COL4A1: variants seen among roughly 807,000 people sequenced by gnomAD.
COL4A1 encodes the protein collagen type IV alpha 1 chain.
COL4A1 carries 40 observed loss-of-function variants against 216.6 expected under a neutral mutation model. The observed-to-expected ratio is 0.18, with a 90% confidence interval of 0.14 to 0.24. COL4A1 has a LOEUF of 0.24. Among genes scored for constraint, COL4A1 ranks in the 10% least tolerant of loss-of-function variants. The pLI is 1.00. For synonymous variants in COL4A1, 839 were observed against 810.7 expected, an observed-to-expected ratio of 1.03 and a Z score of -0.59; for missense variants, 1,628 against 2,196.8, an observed-to-expected ratio of 0.74 and a Z score of 5.18.
At chr13:110,230,657 C>T (rs996114940) in intron 2 of COL4A1, among the ~76,000 whole-genome samples, 8 of 152,182 alleles carry the variant, frequency 5.3e-5, no homozygotes, top group African/African-American at 1.7e-4. Context: ...CTATCAAAGG[C>T]CCCCAAAGAA....
chr13:110,208,924 T>C (rs1030523349), intron 11 of COL4A1, 34 bp from the exon 12 acceptor site: 1 of 1,606,084 alleles, frequency 6.2e-7, no homozygotes, highest in African/African-American at 1.3e-5. Flanking sequence ...CATTATTAGA[T>C]TTGTCTACTT....
chr13:110,265,903 T>A (rs982101160), intron 1 of COL4A1: 4 of 152,170 alleles, frequency 2.6e-5, no homozygotes, highest in Admixed American at 1.3e-4. Context: ...CGGGAATTCC[T>A]GCGCATCTCC....
At chr13:110,154,478 A>T (rs1192440761) in intron 50 of COL4A1, among the ~76,000 whole-genome samples, 2 of 152,214 alleles carry the variant, frequency 1.3e-5, no homozygotes, top group Non-Finnish European at 2.9e-5. Flanking sequence ...TCCCTAACTC[A>T]AGCTTCTGCT....
rs955586186 is a variant in COL4A1, at chr13:110,150,581, T to G, written c.4929-137A>C. ...CAGGCCTCAACCTGGTACCACCCAG[T>G]GAGCAGGCAGGTGCTGGGTGCAGTG... On this transcript the variant is annotated intron_variant, in intron 51 of 51. Transcript: ENST00000375820. 7.2e-6 allele frequency: 6 copies of G among 832,984 alleles called. No homozygotes were observed. The South Asian group carries it at 8.6e-5, about 12-fold the overall frequency. 51.6% of individuals were successfully genotyped at this position (832,984 alleles called of 1,614,324 possible). A position where few individuals can be genotyped will look rare whatever the true frequency, so the allele number is the denominator to read the frequency against.
chr13:110,179,659 G>A (rs918341763), intron 29 of COL4A1, among the ~76,000 whole-genome samples: 1 of 152,150 alleles, frequency 6.6e-6, no homozygotes. Flanking sequence ...AGGAGGAAAA[G>A]CAAGGCTCCC....
At chr13:110,167,087 C>G (rs549125876) in intron 44 of COL4A1, 71 bp downstream of exon 44, 17 of 1,284,694 alleles carry the variant, frequency 1.3e-5, no homozygotes, top group Non-Finnish European at 1.6e-5. Context: ...CTAAGGTGCC[C>G]GAGGTTAGCA....
intron 8 of COL4A1, among the ~76,000 whole-genome samples, chr13:110,210,915 C>A (rs1879764119): frequency 1.3e-5 from 2 of 152,134 alleles, no homozygotes; most frequent in Non-Finnish European, 2.9e-5. Flanking sequence ...CCTCACTCTG[C>A]AGGTTTTGAG....
intron 1 of COL4A1, among the ~76,000 whole-genome samples, chr13:110,302,711 A>G (rs1407597553): frequency 6.6e-6 from 1 of 152,240 alleles, no homozygotes; most frequent in Non-Finnish European, 1.5e-5. Context: ...TCACCATTAA[A>G]ACATGCTCTG....
At chr13:110,181,055 T>C (rs948936886) in intron 29 of COL4A1, among the ~76,000 whole-genome samples, 3 of 152,232 alleles carry the variant, frequency 2.0e-5, no homozygotes, top group African/African-American at 7.2e-5. Context: ...AAAATGTCTG[T>C]CATAAAATTT....
At chr13:110,230,996 A>G (rs1881031701) in intron 2 of COL4A1, among the ~76,000 whole-genome samples, 1 of 152,210 alleles carries the variant, frequency 6.6e-6, no homozygotes, top group Non-Finnish European at 1.5e-5. Context: ...TGCCACCCAC[A>G]TCAGCCCCGT....
chr13:110,283,943 C>T (rs1234817116), intron 1 of COL4A1, among the ~76,000 whole-genome samples: 1 of 152,212 alleles, frequency 6.6e-6, no homozygotes, highest in South Asian at 2.1e-4. Flanking sequence ...CAAGGAACAG[C>T]GCTGTATGAC....
intron 10 of COL4A1, 141 bp from the exon 11 acceptor site, chr13:110,209,568 C>T (rs916974414): frequency 2.1e-5 from 15 of 709,114 alleles, no homozygotes; most frequent in Non-Finnish European, 2.9e-5. Flanking sequence ...CTTCCCCTCC[C>T]TCCCCACTCC....
chr13:110,184,606 T>C (rs1878319037), intron 26 of COL4A1, among the ~76,000 whole-genome samples: 3 of 152,206 alleles, frequency 2.0e-5, no homozygotes, highest in South Asian at 4.1e-4. Flanking sequence ...GTAACAGTTA[T>C]GTTAGCACAC....
In COL4A1 at chr13:110,242,709, C is replaced by G; in HGVS notation, c.110G>C (p.Gly37Ala). The change falls in exon 2 of 52, where the codon GGC (glycine) becomes GCC (alanine). Residue 37 changes from glycine (G) to alanine (A), a missense_variant. By Grantham distance (60) the Gly-to-Ala change is moderately conservative (BLOSUM62 0). This residue lies in a region of COL4A1 where 74 missense variants were observed against 61.7 expected (regional missense o/e 1.20). Transcript: ENST00000375820. ...CTTCACTCCATGGCAGTCACATTTG[C>G]CACAGCCAGAGCCAGCACAGCCACC... is the stretch of plus-strand genomic sequence containing the variant. The part of the protein sequence containing the change: ...AKGGCAGSGC[G>A]KCDCHGVKGQ... The G allele has an allele frequency of 6.2e-7, 1 of 1,614,210 alleles. No individual in the cohort carries two copies. Among genetic ancestry groups the G allele is most frequent in the African/African-American group, 1.3e-5 (1 of 75,064 alleles).
Position 110,207,398 on chromosome 13 carries a change from C to T in COL4A1, c.780+5G>A. On this transcript the variant is annotated splice_donor_5th_base_variant and intron_variant, in intron 13 of 51. Coordinates refer to ENST00000375820, the MANE Select transcript of COL4A1 (RefSeq NM_001845.6). The surrounding 1 kb of genome is among the most constrained non-coding windows in gnomAD (Gnocchi z 4.4). ...TCAGTATTCACTGATGAAGCCCACTCATACCTTTTCTCCCTTGGTGGCGAA... is the reference window on the plus strand; with the variant it reads ...TCAGTATTCACTGATGAAGCCCACTTATACCTTTTCTCCCTTGGTGGCGAA... The T allele has an allele frequency of 6.2e-7, 1 of 1,612,036 alleles. No homozygotes were observed. The highest frequency in any genetic ancestry group is 2.2e-5 in the East Asian group (1 of 44,860).
chr13:110,280,790 TTC>T (rs1165022240), intron 1 of COL4A1, among the ~76,000 whole-genome samples: 1 of 152,224 alleles, frequency 6.6e-6, no homozygotes, highest in East Asian at 1.9e-4. Context: ...AAGGAGAATT[TTC>T]TTTCTTTTTT....
intron 22 of COL4A1, 50 bp from the exon 23 acceptor site, chr13:110,192,963 C>A (rs377087230): frequency 6.6e-7 from 1 of 1,526,338 alleles, no homozygotes; most frequent in African/African-American, 1.4e-5. Flanking sequence ...GACCAGAAGT[C>A]TCCGCAGTGC....
intron 2 of COL4A1, among the ~76,000 whole-genome samples, chr13:110,227,429 C>CAG (rs1392525857): frequency 6.7e-6 from 1 of 148,198 alleles, no homozygotes; most frequent in Admixed American, 6.7e-5. Context: ...CACACACAAA[C>CAG]ACACACAAAC....
chr13:110,208,471 C>A (rs545379322), intron 12 of COL4A1, among the ~76,000 whole-genome samples: 15 of 152,306 alleles, frequency 9.8e-5, no homozygotes, highest in South Asian at 2.1e-4. Context: ...AATTTCCTGG[C>A]GGTGGACTCC....
Sources: allele counts gnomAD v4.1 joint callset (sites outside exome capture counted in the v4.1 genomes callset), GRCh38; gene constraint gnomAD v4.1.1; regional missense constraint gnomAD v4.1.1; non-coding constraint Gnocchi (gnomAD v3.1); transcripts MANE v1.5; gene names NCBI Gene and HGNC (gene_info 2026-07-23, HGNC 2026-07-21).